Variants in NRG3 observed in about 807,000 individuals in gnomAD.
NRG3 encodes the protein neuregulin 3, also known as pro-neuregulin-3, membrane-bound isoform.
In NRG3, 31 loss-of-function variants were observed where a neutral mutation model predicts 66.9. That is an observed-to-expected ratio of 0.46 (90% confidence interval 0.35 to 0.63). The LOEUF (loss-of-function observed/expected upper bound fraction) is 0.63, where lower values mean the gene tolerates loss of function less well. NRG3 is among the 20% of genes least tolerant of loss of function. The pLI is 0.00. For synonymous variants in NRG3, 393 were observed against 359.4 expected, an observed-to-expected ratio of 1.09 and a Z score of -1.06; for missense variants, 910 against 878.9, an observed-to-expected ratio of 1.04 and a Z score of -0.45.
intron 2 of NRG3, among the ~76,000 whole-genome samples, chr10:82,367,349 C>G (rs2084600669): frequency 6.6e-6 from 1 of 152,074 alleles, no homozygotes; most frequent in Non-Finnish European, 1.5e-5. Context: ...TGTCCCTTAA[C>G]CCTTATAATG....
intron 1 of NRG3, among the ~76,000 whole-genome samples, chr10:82,125,968 A>G (rs2068424941): frequency 6.6e-6 from 1 of 152,102 alleles, no homozygotes; most frequent in African/African-American, 2.4e-5. Flanking sequence ...TGTAGGGAGA[A>G]AGACAAGGTG....
At chr10:82,633,173 G>A (rs549772357) in intron 2 of NRG3, among the ~76,000 whole-genome samples, 17 of 152,262 alleles carry the variant, frequency 1.1e-4, no homozygotes, top group East Asian at 9.7e-4. Context: ...TCCAGAAATC[G>A]TCCAGAAGAC....
At chr10:82,050,312 C>A (rs758054975) in intron 1 of NRG3, among the ~76,000 whole-genome samples, 1 of 151,620 alleles carries the variant, frequency 6.6e-6, no homozygotes, top group African/African-American at 2.4e-5. Context: ...CCTTCAATGG[C>A]AAAACCTGCA....
intron 3 of NRG3, among the ~76,000 whole-genome samples, chr10:82,795,255 C>T (rs1019441438): frequency 6.6e-6 from 1 of 152,080 alleles, no homozygotes; most frequent in Non-Finnish European, 1.5e-5. Context: ...ATGTATATAA[C>T]CTTAATGAGT....
At chr10:81,877,992 G>C in intron 1 of NRG3, 2 of 1,537,742 alleles carry the variant, frequency 1.3e-6, no homozygotes, top group Non-Finnish European at 1.7e-6. Flanking sequence ...ACCCTTGTAT[G>C]CGTTGGGAGA....
intron 2 of NRG3, among the ~76,000 whole-genome samples, chr10:82,723,362 T>C (rs2057413128): frequency 6.6e-6 from 1 of 152,170 alleles, no homozygotes; most frequent in Non-Finnish European, 1.5e-5. Context: ...AACTATTGGA[T>C]ACTATGCTTC....
intron 2 of NRG3, among the ~76,000 whole-genome samples, chr10:82,368,511 A>T (rs1181230125): frequency 2.2e-5 from 3 of 138,020 alleles, no homozygotes; most frequent in African/African-American, 3.4e-5. Context: ...GTTCCTGAAG[A>T]AAAAACATGG....
intron 2 of NRG3, among the ~76,000 whole-genome samples, chr10:82,436,868 A>G (rs954882673): frequency 4.6e-5 from 7 of 152,012 alleles, no homozygotes; most frequent in Admixed American, 1.3e-4. Flanking sequence ...TTGGCCCCCA[A>G]TCTCTTCTGG....
At chr10:82,877,931 T>A (rs943070947) in intron 4 of NRG3, among the ~76,000 whole-genome samples, 2 of 152,136 alleles carry the variant, frequency 1.3e-5, no homozygotes, top group African/African-American at 4.8e-5. Context: ...CATCTGTGAA[T>A]CTTGGAGAGA....
At chr10:82,739,463 A>G (rs766677394) in intron 3 of NRG3, among the ~76,000 whole-genome samples, 3 of 152,212 alleles carry the variant, frequency 2.0e-5, no homozygotes, top group Admixed American at 2.0e-4. Flanking sequence ...GGTTTTCTGA[A>G]TATCATACAT....
chr10:82,010,764 T>G (rs1472295628), intron 1 of NRG3, among the ~76,000 whole-genome samples: 1 of 152,182 alleles, frequency 6.6e-6, no homozygotes, highest in African/African-American at 2.4e-5. Flanking sequence ...GAGGTCTCTA[T>G]TCCTTTCTAA....
intron 3 of NRG3, among the ~76,000 whole-genome samples, chr10:82,812,117 A>C (rs1319731746): frequency 6.6e-6 from 1 of 152,188 alleles, no homozygotes; most frequent in African/African-American, 2.4e-5. Context: ...CTCAAATGTT[A>C]ATATGTATAT....
intron 1 of NRG3, among the ~76,000 whole-genome samples, chr10:82,180,579 T>C (rs532115192): frequency 2.1e-3 from 319 of 152,064 alleles, no homozygotes; most frequent in African/African-American, 7.4e-3. Context: ...CCTTTCATCA[T>C]AGGGATAAAT....
intron 2 of NRG3, among the ~76,000 whole-genome samples, chr10:82,702,497 AT>A (rs1429874083): frequency 6.6e-6 from 1 of 152,222 alleles, no homozygotes; most frequent in Admixed American, 6.5e-5. Flanking sequence ...TATTGTGCAT[AT>A]TATGCATACA....
At chr10:82,310,595 G>T (rs1188827756) in intron 1 of NRG3, among the ~76,000 whole-genome samples, 1 of 152,146 alleles carries the variant, frequency 6.6e-6, no homozygotes, top group Non-Finnish European at 1.5e-5. Context: ...TTAGGCTATT[G>T]TATGTGAAAG....
chr10:82,123,300 A>T (rs1191308037), intron 1 of NRG3, among the ~76,000 whole-genome samples: 2 of 152,064 alleles, frequency 1.3e-5, no homozygotes, highest in Admixed American at 6.6e-5. Flanking sequence ...CACTCATTTG[A>T]CCTCCAAAAT....
intron 1 of NRG3, among the ~76,000 whole-genome samples, chr10:82,320,241 T>C (rs980718491): frequency 6.6e-6 from 1 of 152,216 alleles, no homozygotes; most frequent in African/African-American, 2.4e-5. Context: ...TTTTGACATA[T>C]GGTGACCAGG....
chr10:82,572,613 T>C (rs1020974473), intron 2 of NRG3, among the ~76,000 whole-genome samples: 3 of 151,582 alleles, frequency 2.0e-5, no homozygotes, highest in African/African-American at 4.8e-5. Context: ...TGTGTGTGCC[T>C]ACATTTGTTT....
At chr10:82,011,359 C>T (rs965026426) in intron 1 of NRG3, among the ~76,000 whole-genome samples, 5 of 152,160 alleles carry the variant, frequency 3.3e-5, no homozygotes, top group Non-Finnish European at 5.9e-5. Context: ...CATCTGGCCC[C>T]ACCCTTGACA....
Sources: gnomAD v4.1 joint callset for allele counts (sites outside exome capture counted in the v4.1 genomes callset) on GRCh38, gnomAD v4.1.1 for gene constraint, MANE v1.5 for transcripts, NCBI Gene and HGNC (gene_info 2026-07-23, HGNC 2026-07-21) for gene names.